CNTNAP5: variants seen among roughly 807,000 people sequenced by gnomAD.
The protein encoded by CNTNAP5 is contactin-associated protein-like 5.
A neutral mutation model predicts 150.2 loss-of-function variants in CNTNAP5; 72 were observed. The observed-to-expected ratio is 0.48, with a 90% CI of 0.40 to 0.58. CNTNAP5 has a LOEUF of 0.58. CNTNAP5 is among the 20% of genes least tolerant of loss of function. CNTNAP5 has a pLI of 0.00. For missense variants in CNTNAP5, 1,636 were observed against 1,626.2 expected, an observed-to-expected ratio of 1.01 and a Z score of -0.10; for synonymous variants, 672 against 619.8, an observed-to-expected ratio of 1.08 and a Z score of -1.25.
intron 11 of CNTNAP5, among the ~76,000 whole-genome samples, chr2:124,604,271 G>A (rs1451784858): frequency 2.0e-5 from 3 of 151,978 alleles, no homozygotes; most frequent in African/African-American, 4.8e-5. Context: ...CTGTTGATAA[G>A]ACAATTATTA....
intron 3 of CNTNAP5, among the ~76,000 whole-genome samples, chr2:124,257,606 T>G (rs1011214351): frequency 6.6e-6 from 1 of 152,194 alleles, no homozygotes; most frequent in Non-Finnish European, 1.5e-5. Context: ...ACACTTCTCC[T>G]GATTCAATTA....
chr2:124,428,313 T>C (rs1573988989), intron 4 of CNTNAP5, among the ~76,000 whole-genome samples: 1 of 152,216 alleles, frequency 6.6e-6, no homozygotes, highest in Admixed American at 6.5e-5. Context: ...CAGCACACAG[T>C]GCTCACCTCC....
At chr2:124,502,388 A>G (rs1207973771) in intron 7 of CNTNAP5, among the ~76,000 whole-genome samples, 1 of 152,176 alleles carries the variant, frequency 6.6e-6, no homozygotes, top group East Asian at 1.9e-4. Context: ...TGTGATCCAG[A>G]GAACACTCAG....
At chr2:124,724,047 A>G (rs1680101642) in intron 13 of CNTNAP5, among the ~76,000 whole-genome samples, 1 of 151,900 alleles carries the variant, frequency 6.6e-6, no homozygotes, top group Admixed American at 6.6e-5. Context: ...CGGGAGGCTG[A>G]GCCATGAGAA....
At chr2:124,884,925 G>A (rs1678047613) in intron 21 of CNTNAP5, among the ~76,000 whole-genome samples, 1 of 152,064 alleles carries the variant, frequency 6.6e-6, no homozygotes, top group South Asian at 2.1e-4. Flanking sequence ...TTACTTGCGA[G>A]AGAATTGCTG....
intron 3 of CNTNAP5, among the ~76,000 whole-genome samples, chr2:124,397,411 G>A (rs1221348600): frequency 6.6e-6 from 1 of 152,128 alleles, no homozygotes; most frequent in Non-Finnish European, 1.5e-5. Flanking sequence ...AGCCAAGATA[G>A]GGAGGGCTAG....
intron 3 of CNTNAP5, among the ~76,000 whole-genome samples, chr2:124,298,342 C>G (rs1688491730): frequency 6.6e-6 from 1 of 152,012 alleles, no homozygotes; most frequent in African/African-American, 2.4e-5. Context: ...TGAAGATGAG[C>G]TGGGAAAGAA....
chr2:124,094,071 A>AG (rs1403974825), intron 1 of CNTNAP5, among the ~76,000 whole-genome samples: 1 of 152,228 alleles, frequency 6.6e-6, no homozygotes, highest in East Asian at 1.9e-4. Flanking sequence ...GACTAAAGGG[A>AG]GGGAATGCCT....
intron 16 of CNTNAP5, among the ~76,000 whole-genome samples, chr2:124,765,612 A>C (rs1418243336): frequency 6.6e-6 from 1 of 152,170 alleles, no homozygotes; most frequent in African/African-American, 2.4e-5. Context: ...ACATTGTTAA[A>C]AATTAACAGT....
chr2:124,311,092 C>G (rs1412959388), intron 3 of CNTNAP5, among the ~76,000 whole-genome samples: 2 of 152,200 alleles, frequency 1.3e-5, no homozygotes, highest in Non-Finnish European at 2.9e-5. Context: ...CTTCTCACGT[C>G]TTCCTAAGAA....
chr2:124,858,213 G>T (rs1318567885), intron 19 of CNTNAP5, among the ~76,000 whole-genome samples: 1 of 152,122 alleles, frequency 6.6e-6, no homozygotes, highest in Non-Finnish European at 1.5e-5. Flanking sequence ...AGGGCAATCA[G>T]GCAGGAGAAG....
chr2:124,410,263 C>T (rs3097576), intron 3 of CNTNAP5, among the ~76,000 whole-genome samples: 40,732 of 144,280 alleles, frequency 0.28, 6,254 homozygotes, highest in East Asian at 0.48. Flanking sequence ...GACTTAGACT[C>T]CCACACATTA....
chr2:124,803,811 T>C (rs1295834463), intron 19 of CNTNAP5, among the ~76,000 whole-genome samples: 2 of 152,176 alleles, frequency 1.3e-5, no homozygotes, highest in African/African-American at 4.8e-5. Flanking sequence ...CGGCAGTGGC[T>C]AGCCAGGGCT....
At chr2:124,826,970 G>A (rs1682608505) in intron 19 of CNTNAP5, among the ~76,000 whole-genome samples, 1 of 152,028 alleles carries the variant, frequency 6.6e-6, no homozygotes, top group African/African-American at 2.4e-5. Flanking sequence ...ACCCAGGCTG[G>A]AGAATACCAG....
At chr2:124,043,491 C>T (rs1449529998) in intron 1 of CNTNAP5, among the ~76,000 whole-genome samples, 1 of 152,166 alleles carries the variant, frequency 6.6e-6, no homozygotes, top group Non-Finnish European at 1.5e-5. Context: ...ACACTTCTCT[C>T]AATCTTTTCA....
At chr2:124,425,701 G>A (rs1692223519) in intron 4 of CNTNAP5, among the ~76,000 whole-genome samples, 2 of 152,050 alleles carry the variant, frequency 1.3e-5, no homozygotes, top group Non-Finnish European at 2.9e-5. Flanking sequence ...AGGGTAATAA[G>A]TTGTAGGGAT....
intron 3 of CNTNAP5, among the ~76,000 whole-genome samples, chr2:124,257,533 C>T (rs992574565): frequency 1.3e-5 from 2 of 152,200 alleles, no homozygotes; most frequent in Non-Finnish European, 2.9e-5. Context: ...TACGTCTCCA[C>T]CTTCTGTAAA....
chr2:124,605,223 T>C (rs1697074675), intron 11 of CNTNAP5, among the ~76,000 whole-genome samples: 1 of 152,220 alleles, frequency 6.6e-6, no homozygotes, highest in Non-Finnish European at 1.5e-5. Flanking sequence ...AATCCCAGAC[T>C]AAATGGCTGG....
intron 3 of CNTNAP5, among the ~76,000 whole-genome samples, chr2:124,367,706 G>A (rs535028996): frequency 1.3e-5 from 2 of 152,180 alleles, no homozygotes; most frequent in Non-Finnish European, 2.9e-5. Context: ...GAGGTTTAAA[G>A]TGTACTCCAT....
Sources: allele counts gnomAD v4.1 joint callset (sites outside exome capture counted in the v4.1 genomes callset), GRCh38; gene constraint gnomAD v4.1.1; transcripts MANE v1.5; gene names NCBI Gene and HGNC (gene_info 2026-07-23, HGNC 2026-07-21).